SNAPC1: variants seen among roughly 807,000 people sequenced by gnomAD.
SNAPC1 encodes the protein snRNA-activating protein complex subunit 1.
SNAPC1 carries 42 observed loss-of-function variants against 50.1 expected under a neutral mutation model. The ratio of observed to expected loss-of-function variants is 0.84; its 90% confidence interval spans 0.65 to 1.08. The LOEUF is 1.08. Among genes scored for constraint, SNAPC1 ranks in the 50% least tolerant of loss-of-function variants. The pLI, the probability that SNAPC1 is intolerant of heterozygous loss-of-function variation, is 0.00. For missense variants in SNAPC1, 477 were observed against 427.3 expected (o/e 1.12, Z -1.02); for synonymous variants, 164 against 144.2 (o/e 1.14, Z -0.98).
At chr14:61,765,977 A>G (rs534777301) in intron 1 of SNAPC1, among the ~76,000 whole-genome samples, 4 of 152,224 alleles carry the variant, frequency 2.6e-5, no homozygotes, top group African/African-American at 9.6e-5. Flanking sequence ...CCCTGAGAGT[A>G]TTGGAGAAAA....
rs1290614333 is a variant in SNAPC1, at chr14:61,795,630, AT to A, written c.*650del. On this transcript the variant is annotated 3_prime_UTR_variant, in exon 10 of 10. Coordinates refer to ENST00000216294, the MANE Select transcript of SNAPC1 (RefSeq NM_003082.4). ...GTACTTAAATACTAATGTATTAAGT[AT>A]TTAAGTACTTTCTAATAAAATCTTT... The A allele has an allele frequency of 6.6e-6, 1 of 152,164 alleles. No individual in the cohort carries two copies. The highest frequency in any genetic ancestry group is 1.9e-4 in the East Asian group (1 of 5,198). 9.4% of individuals were successfully genotyped at this position (152,164 alleles called of 1,614,324 possible). A position where few individuals can be genotyped will look rare whatever the true frequency, so the allele number is the denominator to read the frequency against.
In SNAPC1 at chr14:61,796,404, C is replaced by T. The variant is rs569116100; in HGVS notation, c.*1421C>T. The T allele has an allele frequency of 6.6e-6, 1 of 152,292 alleles. No individual in the cohort carries two copies. Among genetic ancestry groups the T allele is most frequent in the South Asian group, 2.1e-4 (1 of 4,824 alleles). The allele number at this position is 152,292 out of a possible 1,614,324, so 9.4% of individuals were successfully genotyped here. On this transcript the variant is annotated 3_prime_UTR_variant, in exon 10 of 10. Transcript: ENST00000216294. ...AAAAATCAGAATGCTAATGCTGACG[C>T]AAATAAAATTTTCATTTATTAGCAT...
chr14:61,777,002 T>G (rs2045039277), intron 5 of SNAPC1, among the ~76,000 whole-genome samples: 1 of 152,250 alleles, frequency 6.6e-6, no homozygotes, highest in Non-Finnish European at 1.5e-5. Context: ...TTACTCCATC[T>G]TATTTTAGTA....
At chr14:61,777,543 A>T (rs1594647322) in intron 5 of SNAPC1, among the ~76,000 whole-genome samples, 1 of 151,820 alleles carries the variant, frequency 6.6e-6, no homozygotes, top group East Asian at 1.9e-4. Flanking sequence ...ATGCCCAACT[A>T]ATTTTTTTTG....
intron 4 of SNAPC1, among the ~76,000 whole-genome samples, chr14:61,772,457 C>A (rs1258645737): frequency 6.6e-6 from 1 of 152,230 alleles, no homozygotes; most frequent in Admixed American, 6.5e-5. Flanking sequence ...CTTGGCCAGG[C>A]TGGTCTTGAA....
chr14:61,790,050 A>C (rs1276246400), intron 8 of SNAPC1, among the ~76,000 whole-genome samples: 1 of 152,216 alleles, frequency 6.6e-6, no homozygotes, highest in South Asian at 2.1e-4. Flanking sequence ...AAGAATGCTT[A>C]ATGTCTGAGC....
intron 6 of SNAPC1, 87 bp downstream of exon 6, chr14:61,778,227 T>C (rs1487785031): frequency 5.6e-6 from 4 of 720,208 alleles, no homozygotes; most frequent in East Asian, 3.0e-5. Context: ...ATAAGACATA[T>C]AAGAGAAAAT....
At chr14:61,783,190 TTTTTTTTTGTA>T (rs2045090193) in intron 8 of SNAPC1, among the ~76,000 whole-genome samples, 2 of 116,400 alleles carry the variant, frequency 1.7e-5, no homozygotes, top group African/African-American at 5.6e-5. Flanking sequence ...ACCCAGCTAA[TTTTTTTTTGTA>T]TTTTTTTTTA....
At chr14:61,780,994 C>T (rs911868737) in intron 7 of SNAPC1, among the ~76,000 whole-genome samples, 1 of 151,954 alleles carries the variant, frequency 6.6e-6, no homozygotes, top group African/African-American at 2.4e-5. Context: ...TATAAGTAAT[C>T]TAGAGATGAT....
intron 8 of SNAPC1, among the ~76,000 whole-genome samples, chr14:61,788,495 A>G (rs569970694): frequency 6.6e-6 from 1 of 152,356 alleles, no homozygotes; most frequent in African/African-American, 2.4e-5. Context: ...TTATAAATGA[A>G]TAAGAAAAGG....
intron 9 of SNAPC1, among the ~76,000 whole-genome samples, chr14:61,794,448 C>T (rs140457267): frequency 7.9e-5 from 12 of 152,252 alleles, no homozygotes; most frequent in African/African-American, 2.9e-4. Flanking sequence ...CTCTGTCGTC[C>T]AGGCTGGAGT....
At chr14:61,794,302 T>A (rs541219177) in intron 9 of SNAPC1, among the ~76,000 whole-genome samples, 47 of 152,322 alleles carry the variant, frequency 3.1e-4, no homozygotes, top group African/African-American at 1.1e-3. Flanking sequence ...TAATTAGGAT[T>A]TAGAATGACT....
rs2045188109 is a variant in SNAPC1 at position 61,796,159 on chromosome 14, C to A, written c.*1176C>A. The A allele has an allele frequency of 1.3e-5, 2 of 152,122 alleles. No homozygotes were observed. Among genetic ancestry groups the A allele is most frequent in the Admixed American group, 1.3e-4 (2 of 15,256 alleles). The allele number at this position is 152,122 out of a possible 1,614,324, so 9.4% of individuals were successfully genotyped here. A position where few individuals can be genotyped will look rare whatever the true frequency, so the allele number is the denominator to read the frequency against. On this transcript the variant is annotated 3_prime_UTR_variant, in exon 10 of 10. Transcript: ENST00000216294. Reference sequence around the variant, plus strand: ...GACCATCGTGACTAACACAGTGAAACCCCGTCTCTAATAAAAATACGAAAA... The same window carrying A: ...GACCATCGTGACTAACACAGTGAAAACCCGTCTCTAATAAAAATACGAAAA...
rs1274609362 is a variant in SNAPC1 at position 61,791,352 on chromosome 14, C to G, written c.977-1455C>G. Among the ~76,000 whole-genome samples the G allele has an allele frequency of 2.6e-5, 4 of 152,156 alleles. No individual in the cohort carries two copies. The South Asian group carries it at 6.2e-4, about 24-fold the overall frequency. ...AATTTAATTATTTTTTGCTATCTTT[C>G]TCAAATATATTGCATTCTCTTTTAT... On this transcript the variant is annotated intron_variant, in intron 8 of 9. Transcript: ENST00000216294.
chr14:61,771,627 A>C (rs1415017177), intron 4 of SNAPC1, among the ~76,000 whole-genome samples: 1 of 152,122 alleles, frequency 6.6e-6, no homozygotes, highest in East Asian at 1.9e-4. Flanking sequence ...GAGATTGGAG[A>C]GACATAATGT....
At chr14:61,764,808 G>A (rs1382243680) in intron 1 of SNAPC1, among the ~76,000 whole-genome samples, 1 of 152,152 alleles carries the variant, frequency 6.6e-6, no homozygotes, top group Non-Finnish European at 1.5e-5. Context: ...TTTGGTTACC[G>A]TAACTAGAGT....
intron 1 of SNAPC1, among the ~76,000 whole-genome samples, chr14:61,766,157 T>C (rs780604618): frequency 1.4e-4 from 21 of 152,268 alleles, no homozygotes; most frequent in Non-Finnish European, 2.8e-4. Flanking sequence ...TTTTATGTTC[T>C]TAGCTCCCAC....
intron 9 of SNAPC1, among the ~76,000 whole-genome samples, chr14:61,793,810 T>A (rs143060310): frequency 0.033 from 5,078 of 151,792 alleles, 304 homozygotes; most frequent in African/African-American, 0.12. Flanking sequence ...GCACTCACCA[T>A]CATGCCCGGC....
intron 7 of SNAPC1, among the ~76,000 whole-genome samples, chr14:61,780,889 A>G (rs2165602): frequency 0.16 from 22,362 of 139,092 alleles, 1,978 homozygotes; most frequent in South Asian, 0.35. Context: ...AAAATATTTG[A>G]AAAAAAAAAT....
Sources: allele counts gnomAD v4.1 joint callset (sites outside exome capture counted in the v4.1 genomes callset), GRCh38; gene constraint gnomAD v4.1.1; transcripts MANE v1.5; gene names NCBI Gene and HGNC (gene_info 2026-07-23, HGNC 2026-07-21).